SLC35E4: variants seen among roughly 807,000 people sequenced by gnomAD.
SLC35E4 encodes solute carrier family 35 member E4.
In SLC35E4, 15 loss-of-function variants were observed where a neutral mutation model predicts 19.3. That is an observed-to-expected ratio of 0.78 (90% CI 0.52 to 1.20). The LOEUF is 1.20. Among genes scored for constraint, SLC35E4 ranks in the 50% most tolerant of loss-of-function variants. SLC35E4 has a pLI of 0.00. For missense variants in SLC35E4, 406 were observed against 472.3 expected (o/e 0.86, Z 1.30); for synonymous variants, 219 against 219.9 (o/e 1.00, Z 0.04).
intron 2 of SLC35E4, among the ~76,000 whole-genome samples, chr22:30,655,686 G>C (rs888570028): frequency 2.0e-5 from 3 of 152,114 alleles, no homozygotes; most frequent in African/African-American, 7.2e-5. Context: ...TCACAGCTGG[G>C]AGCCCATAGT....
intron 2 of SLC35E4, among the ~76,000 whole-genome samples, chr22:30,658,407 C>G (rs2088390381): frequency 6.6e-6 from 1 of 151,060 alleles, no homozygotes; most frequent in African/African-American, 2.4e-5. Context: ...TTGGGGGTAG[C>G]AGCAGTAACA....
downstream of SLC35E4, among the ~76,000 whole-genome samples, chr22:30,666,621 CAAAAAAAAAA>C (rs55979351): frequency 1.8e-4 from 11 of 62,498 alleles, no homozygotes; most frequent in Admixed American, 2.6e-4. Context: ...GACTCCATCT[CAAAAAAAAAA>C]AAAAAAAAAA....
At chr22:30,666,328 A>G (rs2088660998), downstream of SLC35E4, among the ~76,000 whole-genome samples, 1 of 152,150 alleles carries the variant, frequency 6.6e-6, no homozygotes, top group African/African-American at 2.4e-5. Context: ...TAGTTAAGAA[A>G]TATCTATCAG....
intron 1 of SLC35E4, among the ~76,000 whole-genome samples, chr22:30,639,589 C>T (rs575676210): frequency 6.6e-6 from 1 of 152,318 alleles, no homozygotes; most frequent in South Asian, 2.1e-4. Flanking sequence ...CCCCCAGAAG[C>T]AGCCATTTTA....
Position 30,646,610 on chromosome 22 carries a change from A to C in SLC35E4, c.632A>C (p.Gln211Pro). 2 of 1,599,492 alleles carry C rather than the reference A, an allele frequency of 1.3e-6. No homozygotes were observed. Among genetic ancestry groups the C allele is most frequent in the South Asian group, 2.2e-5 (2 of 89,404 alleles). ...LKSVQQSALL[Q>P]EERLDAVTLL... Reference sequence around the variant, plus strand: ...TGTCCTGTTGCAGGTGCCCTGCTGCAGGAGGAGAGGCTGGACGCGGTGACC... The same window carrying C: ...TGTCCTGTTGCAGGTGCCCTGCTGCCGGAGGAGAGGCTGGACGCGGTGACC... The change falls in exon 2 of 2, where the codon CAG becomes CCG. Residue 211 changes from glutamine (Q) to proline (P), a missense_variant. By Grantham distance (76) the Gln-to-Pro change is moderately conservative. Coordinates refer to ENST00000343605, the MANE Select transcript of SLC35E4 (RefSeq NM_001001479.4).
chr22:30,651,841 G>A (rs139434378), downstream of SLC35E4, among the ~76,000 whole-genome samples: 4 of 152,200 alleles, frequency 2.6e-5, no homozygotes, highest in African/African-American at 9.6e-5. Context: ...TCAGGAATTC[G>A]GGAGTGGCTT....
downstream of SLC35E4, among the ~76,000 whole-genome samples, chr22:30,651,395 G>GTATATA (rs2088209814): frequency 7.4e-5 from 4 of 54,072 alleles, no homozygotes; most frequent in African/African-American, 3.6e-4. Context: ...GTGTGTGTGT[G>GTATATA]TGTGTATATA....
intron 1 of SLC35E4, among the ~76,000 whole-genome samples, chr22:30,642,757 C>T (rs1253891909): frequency 2.1e-5 from 3 of 142,902 alleles, no homozygotes; most frequent in Non-Finnish European, 4.5e-5. Context: ...AGGCCAGGCA[C>T]GGTGGTTCAC....
At chr22:30,637,704 C>G (rs2145574834) in intron 1 of SLC35E4, among the ~76,000 whole-genome samples, 2 of 152,336 alleles carry the variant, frequency 1.3e-5, no homozygotes, top group South Asian at 4.1e-4. Flanking sequence ...CTGTGTTTGA[C>G]TAGCCTTTTA....
downstream of SLC35E4, among the ~76,000 whole-genome samples, chr22:30,666,024 T>A (rs1006152888): frequency 6.6e-6 from 1 of 152,128 alleles, no homozygotes; most frequent in South Asian, 2.1e-4. Context: ...TGCCCCAGAC[T>A]CAAATGCATC....
Position 30,647,015 on chromosome 22 carries a change from C to A in SLC35E4, c.1037C>A (p.Pro346His), listed in dbSNP as rs369670758. Reference sequence around the variant, plus strand: ...CGGGGGCTGTGGCGGAGGGACCAGCCCAGCAAGGGTCTTTGAGACCTGGGG... The same window carrying A: ...CGGGGGCTGTGGCGGAGGGACCAGCACAGCAAGGGTCTTTGAGACCTGGGG... ...ARRGLWRRDQ[P>H]SKGL Residue 346 changes from proline (P) to histidine (H), a missense_variant, in exon 2 of 2, where the codon CCC (proline) becomes CAC (histidine). Coordinates refer to ENST00000343605, the MANE Select transcript of SLC35E4 (RefSeq NM_001001479.4). The A allele has an allele frequency of 3.1e-6, 5 of 1,603,694 alleles. No homozygotes were observed. The African/African-American group carries it at 4.0e-5, about 13-fold the overall frequency.
downstream of SLC35E4, chr22:30,664,144 G>T: frequency 1.4e-6 from 1 of 735,866 alleles, no homozygotes; most frequent in Non-Finnish European, 2.3e-6. Flanking sequence ...GGGGATCCCT[G>T]GGAAATGGAT....
At chr22:30,661,737 C>T (rs902814928) in intron 2 of SLC35E4, 2 of 152,238 alleles carry the variant, frequency 1.3e-5, no homozygotes, top group Non-Finnish European at 2.9e-5. Context: ...CAGCCAGGTC[C>T]TTGGCACCAA....
At chr22:30,643,371 T>A (rs565832765) in intron 1 of SLC35E4, among the ~76,000 whole-genome samples, 55 of 152,320 alleles carry the variant, frequency 3.6e-4, no homozygotes, top group Admixed American at 9.2e-4. Context: ...GAGCGGTTGC[T>A]TCTTCCTGGG....
chr22:30,658,801 G>GC (rs753998525), intron 2 of SLC35E4, among the ~76,000 whole-genome samples: 3 of 152,146 alleles, frequency 2.0e-5, no homozygotes, highest in Non-Finnish European at 4.4e-5. Context: ...ACTGCTCACT[G>GC]GGGGGCATAA....
Position 30,636,492 on chromosome 22 carries a change from C to T in SLC35E4, c.42C>T (p.Thr14=). 1 of 1,529,330 alleles carries T rather than the reference C, an allele frequency of 6.5e-7. No homozygotes were observed. Among genetic ancestry groups the T allele is most frequent in the Non-Finnish European group, 8.8e-7 (1 of 1,133,162 alleles). The allele number at this position is 1,529,330 out of a possible 1,614,324, so 94.7% of individuals were successfully genotyped here. A position where few individuals can be genotyped will look rare whatever the true frequency, so the allele number is the denominator to read the frequency against. The change falls in exon 1 of 2, where the codon ACC becomes ACT. Residue 14 remains threonine (T), a synonymous_variant. Transcript: ENST00000343605. ...CGGAGCACCATGATGGCAGGATGACCTCAGCCGAAGTAGGAGCAGCAGCTG... is the reference window on the plus strand; with the variant it reads ...CGGAGCACCATGATGGCAGGATGACTTCAGCCGAAGTAGGAGCAGCAGCTG... ...CPPEHHDGRM[T]SAEVGAAAGG...
chr22:30,649,315 A>G (rs866379394), downstream of SLC35E4: 142 of 709,590 alleles, frequency 2.0e-4, 1 homozygote, highest in Middle Eastern at 4.4e-3. Context: ...TCTGGAAACC[A>G]TCTGCAAAAT....
At chr22:30,655,535 T>C (rs551130749) in intron 2 of SLC35E4, among the ~76,000 whole-genome samples, 5 of 150,958 alleles carry the variant, frequency 3.3e-5, no homozygotes, top group African/African-American at 1.2e-4. Flanking sequence ...GGAAAAGTAA[T>C]TACAAATGTT....
exon 3 of SLC35E4, chr22:30,662,113 A>G (rs2088493020): frequency 6.7e-6 from 1 of 149,664 alleles, no homozygotes; most frequent in South Asian, 2.1e-4. Context: ...CACAGAAAGG[A>G]GAAATGCCAT....
Sources: gnomAD v4.1 joint callset for allele counts (sites outside exome capture counted in the v4.1 genomes callset) on GRCh38, gnomAD v4.1.1 for gene constraint, MANE v1.5 for transcripts, NCBI Gene and HGNC (gene_info 2026-07-23, HGNC 2026-07-21) for gene names.